Variants in RAP1GAP2 observed in about 807,000 individuals in gnomAD.
RAP1GAP2 encodes the protein RAP1 GTPase activating protein 2.
RAP1GAP2 carries 27 observed loss-of-function variants against 95.0 expected under a neutral mutation model. The observed-to-expected ratio is 0.28, with a 90% CI of 0.21 to 0.39. The LOEUF (loss-of-function observed/expected upper bound fraction) is 0.39. Among genes scored for constraint, RAP1GAP2 ranks in the 10% least tolerant of loss-of-function variants. RAP1GAP2 has a pLI of 1.00. For synonymous variants in RAP1GAP2, 373 were observed against 380.9 expected (o/e 0.98, Z 0.24); for missense variants, 771 against 970.0 (o/e 0.79, Z 2.72).
chr17:2,842,669 C>T (rs914630184), intron 2 of RAP1GAP2, among the ~76,000 whole-genome samples: 2 of 152,088 alleles, frequency 1.3e-5, no homozygotes, highest in African/African-American at 4.8e-5. Context: ...AGTCGAGCCA[C>T]TGCTTTGACA....
Position 2,854,149 on chromosome 17 carries a change from T to G in RAP1GAP2, c.81-51135T>G, listed in dbSNP as rs988082206. 6.1e-6 allele frequency: 6 copies of G among 985,102 alleles called. No individual in the cohort carries two copies. The Admixed American group carries it at 3.7e-4, about 61-fold the overall frequency. The allele number at this position is 985,102 out of a possible 1,614,324, so 61.0% of individuals were successfully genotyped here. A position where few individuals can be genotyped will look rare whatever the true frequency, so the allele number is the denominator to read the frequency against. ...CGCTTCCCTCCGCTCTCCTGCTGCA[T>G]GCCAGTTTTCTTTGGGGTGGACTTT... On this transcript the variant is annotated intron_variant, in intron 2 of 24. Coordinates refer to ENST00000254695, the MANE Select transcript of RAP1GAP2 (RefSeq NM_015085.5).
chr17:2,910,969 G>T lies in RAP1GAP2; in HGVS notation c.165+5601G>T, dbSNP rs575952735. Among the ~76,000 whole-genome samples the T allele has an allele frequency of 3.6e-3, 548 of 152,328 alleles. 4 individuals carry two copies. Among genetic ancestry groups the T allele is most frequent in the South Asian group, 0.016 (75 of 4,834 alleles). ...CAGCCTTGGCCTCCCAAAGTGTTCA[G>T]ATGACAGGCGTGAGCCACTGCACCT... On this transcript the variant is annotated intron_variant, in intron 3 of 24. Coordinates refer to ENST00000254695, the MANE Select transcript of RAP1GAP2 (RefSeq NM_015085.5).
At chr17:2,988,782 C>T (rs1444426271) in intron 11 of RAP1GAP2, among the ~76,000 whole-genome samples, 1 of 152,200 alleles carries the variant, frequency 6.6e-6, no homozygotes, top group Admixed American at 6.5e-5. Context: ...AAACTGCCGG[C>T]CGGGCGCAGT....
chr17:2,791,384 G>A lies in RAP1GAP2; in HGVS notation c.-13-9131G>A, dbSNP rs191900324. On this transcript the variant is annotated intron_variant, in intron 1 of 24. Coordinates refer to the RAP1GAP2 transcript ENST00000540393. ...TTTGAGCCTGAGAGAGAAGGAGCCC[G>A]TCCAGCCAGGCATTGGGGGTAGCTG... Among the ~76,000 whole-genome samples the A allele has an allele frequency of 1.1e-4, 16 of 152,184 alleles. No individual in the cohort carries two copies. The East Asian group carries it at 2.7e-3, about 26-fold the overall frequency.
chr17:3,019,411 A>C (rs1034020940), intron 18 of RAP1GAP2, among the ~76,000 whole-genome samples: 1 of 151,828 alleles, frequency 6.6e-6, no homozygotes, highest in Non-Finnish European at 1.5e-5. Context: ...TACTTGGGAG[A>C]CTGAGGTGGG....
At chr17:2,808,735 C>A (rs1250821032) in intron 2 of RAP1GAP2, among the ~76,000 whole-genome samples, 1 of 152,188 alleles carries the variant, frequency 6.6e-6, no homozygotes, top group African/African-American at 2.4e-5. Context: ...TCTTGAGTGG[C>A]AGACTCTGGT....
chr17:2,881,385 G>A (rs1157835488), intron 2 of RAP1GAP2, among the ~76,000 whole-genome samples: 1 of 152,214 alleles, frequency 6.6e-6, no homozygotes, highest in Non-Finnish European at 1.5e-5. Flanking sequence ...TGCTCAGTGT[G>A]TAGATGGAAT....
chr17:2,809,713 C>T (rs778825195), intron 2 of RAP1GAP2, among the ~76,000 whole-genome samples: 1 of 152,180 alleles, frequency 6.6e-6, no homozygotes, highest in Non-Finnish European at 1.5e-5. Context: ...AGAATTGCTC[C>T]CACTTGGCTC....
chr17:3,018,209 G>T lies in RAP1GAP2; in HGVS notation c.1632+11G>T. On this transcript the variant is annotated intron_variant, in intron 18 of 24. Transcript: ENST00000254695. ...AAGACCACCTTCTCGGTGAGTGCTG[G>T]CAGGCCCCGGGGCGGCAAGTGGGTC... 1 of 1,553,880 alleles carries T rather than the reference G, an allele frequency of 6.4e-7. No individual in the cohort carries two copies. The highest frequency in any genetic ancestry group is 8.7e-7 in the Non-Finnish European group (1 of 1,150,798).
intron 2 of RAP1GAP2, among the ~76,000 whole-genome samples, chr17:2,815,456 ATATTATTATTATTATTATTATTAT>A (rs10675930): frequency 1.4e-5 from 2 of 140,138 alleles, no homozygotes; most frequent in African/African-American, 2.6e-5. Context: ...AACATCTCTG[ATATTATTATTATTATTATTATTAT>A]TATTATTATT....
At chr17:2,768,692 C>CAAAAA (rs59118427) in intron 1 of RAP1GAP2, among the ~76,000 whole-genome samples, 1 of 111,382 alleles carries the variant, frequency 9.0e-6, no homozygotes, top group Non-Finnish European at 1.8e-5. Flanking sequence ...AACTCTGTCT[C>CAAAAA]AAAAAAAAAA....
At chr17:2,796,429 T>C (rs1180016758), upstream of RAP1GAP2, 1 of 1,373,380 alleles carries the variant, frequency 7.3e-7, no homozygotes, top group African/African-American at 1.4e-5. This position sits in a 1 kb window ranked among gnomAD's most constrained non-coding sequence, Gnocchi z 4.7. Context: ...CTCCCCGCCC[T>C]GCACCGGCAC....
chr17:2,845,083 A>G (rs1398547962), intron 2 of RAP1GAP2, among the ~76,000 whole-genome samples: 2 of 152,200 alleles, frequency 1.3e-5, no homozygotes, highest in African/African-American at 4.8e-5. Context: ...CTGCACATGT[A>G]TGGCACTGAC....
rs1416482209 is a variant in RAP1GAP2, at chr17:2,909,407, G to A, written c.165+4039G>A. On this transcript the variant is annotated intron_variant, in intron 3 of 24. Transcript: ENST00000254695. ...GCAGATGGCCGTGTGTTGAGGAATG[G>A]GTGGAGATGGTCAGAGTCAGAGGGT... Among the ~76,000 whole-genome samples, 5 of 152,170 alleles carry A rather than the reference G, an allele frequency of 3.3e-5. No individual in the cohort carries two copies. In the East Asian group the frequency reaches 9.7e-4, roughly 29 times the overall value.
chr17:2,997,170 C>T lies in RAP1GAP2; in HGVS notation c.1045-1051C>T, dbSNP rs74371013. Among the ~76,000 whole-genome samples, 10 of 151,394 alleles carry T rather than the reference C, an allele frequency of 6.6e-5. No homozygotes were observed. The East Asian group carries it at 1.9e-3, about 29-fold the overall frequency. On this transcript the variant is annotated intron_variant, in intron 13 of 24. Coordinates refer to ENST00000254695, the MANE Select transcript of RAP1GAP2 (RefSeq NM_015085.5). Reference sequence around the variant, plus strand: ...AGATCACACCCAGAAGCACCTGGCCCTGCTTGGGATATGGAGTTATGGTTG... The same window carrying T: ...AGATCACACCCAGAAGCACCTGGCCTTGCTTGGGATATGGAGTTATGGTTG...
At chr17:3,031,542 G>A (rs1368758269) in intron 23 of RAP1GAP2, among the ~76,000 whole-genome samples, 1 of 149,614 alleles carries the variant, frequency 6.7e-6, no homozygotes, top group Non-Finnish European at 1.5e-5. Context: ...GAGAACTCCA[G>A]GTCCAGATGT....
chr17:2,831,909 A>G (rs148032436), intron 2 of RAP1GAP2, among the ~76,000 whole-genome samples: 33 of 152,002 alleles, frequency 2.2e-4, no homozygotes, highest in African/African-American at 7.5e-4. Flanking sequence ...AACAACAACA[A>G]CAACACAAAA....
At chr17:2,773,115 G>A (rs887190082), upstream of RAP1GAP2, among the ~76,000 whole-genome samples, 1 of 152,168 alleles carries the variant, frequency 6.6e-6, no homozygotes, top group Non-Finnish European at 1.5e-5. Context: ...TGGGATTACA[G>A]GCGTGAGCCA....
intron 3 of RAP1GAP2, among the ~76,000 whole-genome samples, chr17:2,954,149 G>A (rs1174849095): frequency 2.0e-5 from 3 of 152,128 alleles, no homozygotes; most frequent in Non-Finnish European, 2.9e-5. Context: ...TTGTCATCCA[G>A]GCTGGAGTGC....
Sources: gnomAD v4.1 joint callset for allele counts (sites outside exome capture counted in the v4.1 genomes callset) on GRCh38, gnomAD v4.1.1 for gene constraint, Gnocchi (gnomAD v3.1) non-coding constraint, MANE v1.5 for transcripts, NCBI Gene and HGNC (gene_info 2026-07-23, HGNC 2026-07-21) for gene names.